Variants in MOB3B observed in about 807,000 individuals in gnomAD.
MOB3B encodes MOB kinase activator-like 2B.
Under a neutral mutation model 18.7 loss-of-function variants are expected in MOB3B, and 7 were observed. The ratio of observed to expected loss-of-function variants is 0.37; its 90% CI spans 0.21 to 0.70. The LOEUF is 0.70. MOB3B is among the 30% of genes least tolerant of loss of function. MOB3B has a pLI of 0.52. For missense variants in MOB3B, 253 were observed against 281.3 expected, an observed-to-expected ratio of 0.90 and a Z score of 0.72; for synonymous variants, 111 against 99.9, an observed-to-expected ratio of 1.11 and a Z score of -0.66.
At chr9:27,492,404 A>G (rs1454406770) in intron 1 of MOB3B, among the ~76,000 whole-genome samples, 1 of 152,248 alleles carries the variant, frequency 6.6e-6, no homozygotes, top group East Asian at 1.9e-4. Flanking sequence ...GAATGGATTT[A>G]CCAAGCATTC....
chr9:27,515,468 CT>C (rs1384135268), intron 1 of MOB3B, among the ~76,000 whole-genome samples: 2 of 152,162 alleles, frequency 1.3e-5, no homozygotes, highest in Non-Finnish European at 2.9e-5. Context: ...CCATTTCCTC[CT>C]CTTTAAACTG....
intron 1 of MOB3B, among the ~76,000 whole-genome samples, chr9:27,469,155 T>A (rs1043201205): frequency 4.5e-4 from 69 of 152,276 alleles, no homozygotes; most frequent in Middle Eastern, 3.4e-3. Flanking sequence ...TTTGTAGAGA[T>A]GGGGGTCTTG....
chr9:27,382,538 G>T (rs894223818), intron 2 of MOB3B, among the ~76,000 whole-genome samples: 2 of 152,072 alleles, frequency 1.3e-5, no homozygotes, highest in African/African-American at 4.8e-5. Context: ...ATCAATCCGG[G>T]CATGTTGTGA....
chr9:27,468,541 G>A (rs1487446956), intron 1 of MOB3B, among the ~76,000 whole-genome samples: 1 of 152,176 alleles, frequency 6.6e-6, no homozygotes, highest in African/African-American at 2.4e-5. Flanking sequence ...TGTGCACCTT[G>A]CATGCACATC....
intron 3 of MOB3B, among the ~76,000 whole-genome samples, chr9:27,351,950 C>A (rs78623542): frequency 0.027 from 4,050 of 152,184 alleles, 200 homozygotes; most frequent in African/African-American, 0.092. Flanking sequence ...GTAGAGCCTA[C>A]CATAAATCTC....
At chr9:27,436,100 T>C (rs1045589183) in intron 2 of MOB3B, among the ~76,000 whole-genome samples, 11 of 152,204 alleles carry the variant, frequency 7.2e-5, no homozygotes, top group African/African-American at 2.7e-4. Context: ...CATCCTATCC[T>C]TTCTACCTTG....
intron 1 of MOB3B, among the ~76,000 whole-genome samples, chr9:27,525,500 T>G (rs1474242475): frequency 6.6e-6 from 1 of 152,182 alleles, no homozygotes; most frequent in East Asian, 1.9e-4. Flanking sequence ...CAGCTTGGTT[T>G]GTTTGAATTG....
intron 3 of MOB3B, among the ~76,000 whole-genome samples, chr9:27,337,305 A>C (rs1442560313): frequency 2.0e-5 from 3 of 152,216 alleles, no homozygotes; most frequent in Non-Finnish European, 1.5e-5. Flanking sequence ...AAATCTCCAG[A>C]TTGTACCCAT....
chr9:27,330,751 C>A, intron 3 of MOB3B, 135 bp from the exon 4 acceptor site: 1 of 1,304,454 alleles, frequency 7.7e-7, no homozygotes, highest in Non-Finnish European at 1.1e-6. Flanking sequence ...ATGAATAAGG[C>A]TTAGCATGAG....
intron 3 of MOB3B, among the ~76,000 whole-genome samples, chr9:27,341,356 C>A (rs1355376047): frequency 2.0e-5 from 3 of 152,158 alleles, no homozygotes; most frequent in Non-Finnish European, 2.9e-5. Context: ...TCCATAGAAG[C>A]CGTTCAGCCT....
At chr9:27,341,408 A>T (rs1820939696) in intron 3 of MOB3B, among the ~76,000 whole-genome samples, 1 of 152,218 alleles carries the variant, frequency 6.6e-6, no homozygotes, top group African/African-American at 2.4e-5. Context: ...TTGCTTAATA[A>T]GACCTCTATT....
At chr9:27,481,817 G>A (rs1037629636) in intron 1 of MOB3B, among the ~76,000 whole-genome samples, 9 of 152,084 alleles carry the variant, frequency 5.9e-5, no homozygotes, top group Non-Finnish European at 8.8e-5. Context: ...GAGCCACCGC[G>A]CCCAGCCTAA....
intron 2 of MOB3B, among the ~76,000 whole-genome samples, chr9:27,422,200 G>A (rs1822266471): frequency 6.6e-6 from 1 of 152,134 alleles, no homozygotes; most frequent in Non-Finnish European, 1.5e-5. Context: ...TGCAAATCTG[G>A]GGCTGATCTT....
At position 27,452,000 on chromosome 9, in the gene MOB3B, T is replaced by G. The variant is rs1166648793; in HGVS notation, c.418+3133A>C. Among the ~76,000 whole-genome samples the G allele has an allele frequency of 3.3e-5, 5 of 152,312 alleles. No individual in the cohort carries two copies. The East Asian group carries it at 7.7e-4, about 23-fold the overall frequency. On this transcript the variant is annotated intron_variant, in intron 2 of 3. Transcript: ENST00000262244. ...CTCTCATAGTGAAGGTGGACGGTGA[T>G]GGTTTTTACTGACCGTAACATCTCA...
At chr9:27,340,139 C>T (rs981292687) in intron 3 of MOB3B, among the ~76,000 whole-genome samples, 1 of 152,204 alleles carries the variant, frequency 6.6e-6, no homozygotes, top group Admixed American at 6.5e-5. Flanking sequence ...TTGATTAATT[C>T]TGTTCCTAAA....
chr9:27,414,114 G>C (rs773810860), intron 2 of MOB3B, among the ~76,000 whole-genome samples: 1 of 152,206 alleles, frequency 6.6e-6, no homozygotes, highest in South Asian at 2.1e-4. Context: ...GAATACATGT[G>C]ATCTCTCTGA....
intron 1 of MOB3B, among the ~76,000 whole-genome samples, chr9:27,469,561 G>A (rs1256378750): frequency 6.6e-6 from 1 of 152,188 alleles, no homozygotes; most frequent in African/African-American, 2.4e-5. Flanking sequence ...TGTACAGCAG[G>A]AAGAACTTCT....
intron 1 of MOB3B, among the ~76,000 whole-genome samples, chr9:27,515,005 C>T (rs148849364): frequency 5.4e-4 from 82 of 152,334 alleles, no homozygotes; most frequent in African/African-American, 1.7e-3. Flanking sequence ...AGCTTTCCTT[C>T]TCCTGAAGAC....
intron 2 of MOB3B, among the ~76,000 whole-genome samples, chr9:27,389,272 C>T (rs1040500375): frequency 6.6e-6 from 1 of 152,182 alleles, no homozygotes; most frequent in African/African-American, 2.4e-5. Context: ...TTTTCACAAG[C>T]TCTCTGGGGA....
Sources: allele counts gnomAD v4.1 joint callset (sites outside exome capture counted in the v4.1 genomes callset), GRCh38; gene constraint gnomAD v4.1.1; transcripts MANE v1.5; gene names NCBI Gene and HGNC (gene_info 2026-07-23, HGNC 2026-07-21).